The following CNTN4 variants were observed in gnomAD, a reference collection of about 807,000 sequenced individuals.
The protein encoded by CNTN4 is contactin-4.
A neutral mutation model predicts 122.5 loss-of-function variants in CNTN4; 77 were observed. The ratio of observed to expected loss-of-function variants is 0.63; its 90% CI spans 0.52 to 0.76. The LOEUF is 0.76. Among genes scored for constraint, CNTN4 ranks in the 30% least tolerant of loss-of-function variants. The pLI is 0.00. For synonymous variants in CNTN4, 512 were observed against 447.0 expected (o/e 1.15, Z -1.83); for missense variants, 1,256 against 1,259.1 (o/e 1.00, Z 0.04).
chr3:2,954,532 C>T (rs1464249078), intron 13 of CNTN4, among the ~76,000 whole-genome samples: 2 of 151,972 alleles, frequency 1.3e-5, no homozygotes, highest in African/African-American at 4.8e-5. Context: ...CACAGAGAAT[C>T]CTTCTCGGTG....
chr3:2,753,475 T>G (rs1375083377), intron 6 of CNTN4, among the ~76,000 whole-genome samples: 1 of 152,232 alleles, frequency 6.6e-6, no homozygotes, highest in Non-Finnish European at 1.5e-5. Flanking sequence ...GCACAGATAT[T>G]ACTTTTATTT....
rs552883267 is a variant in CNTN4, at chr3:3,031,925, G to A, written c.1783+950G>A. On this transcript the variant is annotated intron_variant, in intron 16 of 24. Coordinates refer to ENST00000418658, the MANE Select transcript of CNTN4 (RefSeq NM_175607.3). ...TTAGGGTATGAGCGTTGGAGGCAGG[G>A]TTAATCTGCATGCACAGAGAACAAG... Among the ~76,000 whole-genome samples, 8 of 152,290 alleles carry A rather than the reference G, an allele frequency of 5.3e-5. No homozygotes were observed. The South Asian group carries it at 1.7e-3, about 32-fold the overall frequency.
chr3:2,193,615 T>G (rs1242794725), intron 2 of CNTN4, among the ~76,000 whole-genome samples: 2 of 152,198 alleles, frequency 1.3e-5, no homozygotes, highest in Non-Finnish European at 2.9e-5. Flanking sequence ...GCCAGCAGAT[T>G]AGATAACATT....
At chr3:3,032,762 T>G (rs1699281115) in intron 16 of CNTN4, among the ~76,000 whole-genome samples, 1 of 152,332 alleles carries the variant, frequency 6.6e-6, no homozygotes, top group African/African-American at 2.4e-5. Context: ...ATCTTCCCTT[T>G]GCCATTGCCT....
intron 4 of CNTN4, among the ~76,000 whole-genome samples, chr3:2,603,455 A>G (rs1216812185): frequency 6.6e-6 from 1 of 152,196 alleles, no homozygotes; most frequent in Non-Finnish European, 1.5e-5. Flanking sequence ...CTTTACAGAA[A>G]CAAAATCCTA....
At chr3:2,629,552 C>T (rs750212498) in intron 4 of CNTN4, 26 of 453,402 alleles carry the variant, frequency 5.7e-5, no homozygotes, top group South Asian at 1.4e-4. Context: ...CTGGTCCTTG[C>T]TGGGGGTGCT....
At chr3:2,451,270 C>A (rs565862387) in intron 3 of CNTN4, among the ~76,000 whole-genome samples, 10 of 151,858 alleles carry the variant, frequency 6.6e-5, no homozygotes, top group African/African-American at 2.4e-4. Context: ...GGCCTTATGG[C>A]GACATTACTA....
intron 7 of CNTN4, among the ~76,000 whole-genome samples, chr3:2,832,380 A>G (rs1039705237): frequency 6.6e-6 from 1 of 152,152 alleles, no homozygotes; most frequent in Non-Finnish European, 1.5e-5. Flanking sequence ...GAGCGGGGTA[A>G]TGAAATCATC....
chr3:2,155,369 T>A (rs2035674675), intron 2 of CNTN4, among the ~76,000 whole-genome samples: 1 of 152,152 alleles, frequency 6.6e-6, no homozygotes, highest in African/African-American at 2.4e-5. Context: ...AGATTATCCG[T>A]ACCTGGGAGG....
intron 2 of CNTN4, among the ~76,000 whole-genome samples, chr3:2,187,133 G>A (rs2037309082): frequency 6.6e-6 from 1 of 152,164 alleles, no homozygotes; most frequent in African/African-American, 2.4e-5. Flanking sequence ...TCCACTTTCA[G>A]CTTTCTACAT....
At chr3:2,412,874 C>A (rs2047276691) in intron 3 of CNTN4, among the ~76,000 whole-genome samples, 1 of 152,112 alleles carries the variant, frequency 6.6e-6, no homozygotes, top group South Asian at 2.1e-4. Flanking sequence ...TTTATATTAG[C>A]TGTATCTTGC....
chr3:2,688,659 A>G (rs531357560), intron 4 of CNTN4, among the ~76,000 whole-genome samples: 7 of 152,196 alleles, frequency 4.6e-5, no homozygotes, highest in Non-Finnish European at 8.8e-5. Context: ...AGCAAGGTTA[A>G]CTCTTCAGCA....
At chr3:2,252,430 T>A (rs1043035247) in intron 2 of CNTN4, among the ~76,000 whole-genome samples, 1 of 152,034 alleles carries the variant, frequency 6.6e-6, no homozygotes, top group African/African-American at 2.4e-5. Context: ...ATTTACACAT[T>A]GATAAAAATA....
intron 4 of CNTN4, among the ~76,000 whole-genome samples, chr3:2,637,776 T>A (rs1209330430): frequency 1.6e-4 from 25 of 152,194 alleles, no homozygotes. Context: ...TCCCTCTAGA[T>A]CTGTCATCTA....
intron 3 of CNTN4, among the ~76,000 whole-genome samples, chr3:2,390,853 C>T (rs74573371): frequency 0.013 from 1,908 of 152,052 alleles, 32 homozygotes; most frequent in African/African-American, 0.041. Flanking sequence ...GTGAATTGCC[C>T]GACCCAAACC....
chr3:2,851,362 A>C (rs2093547562), intron 7 of CNTN4, among the ~76,000 whole-genome samples: 1 of 152,158 alleles, frequency 6.6e-6, no homozygotes, highest in African/African-American at 2.4e-5. Context: ...ACCACTACTC[A>C]TTTATGCAGA....
intron 3 of CNTN4, among the ~76,000 whole-genome samples, chr3:2,481,017 CTT>C (rs1201130018): frequency 2.0e-5 from 3 of 147,582 alleles, no homozygotes; most frequent in Non-Finnish European, 4.5e-5. Flanking sequence ...TTCTTTCTTT[CTT>C]TCTTTTCTTT....
chr3:2,819,093 C>T (rs928357652), intron 6 of CNTN4, among the ~76,000 whole-genome samples: 2 of 152,154 alleles, frequency 1.3e-5, no homozygotes, highest in African/African-American at 2.4e-5. Flanking sequence ...GTTTCTTCAC[C>T]TAGACCTGCA....
intron 7 of CNTN4, among the ~76,000 whole-genome samples, chr3:2,839,444 C>T (rs1469504738): frequency 1.3e-5 from 2 of 151,538 alleles, no homozygotes; most frequent in South Asian, 4.2e-4. Context: ...GGAATCACAA[C>T]AGAAAGAGGT....
Sources: allele counts gnomAD v4.1 joint callset (sites outside exome capture counted in the v4.1 genomes callset), GRCh38; gene constraint gnomAD v4.1.1; transcripts MANE v1.5; gene names NCBI Gene and HGNC (gene_info 2026-07-23, HGNC 2026-07-21).